NAV3: variants seen among roughly 807,000 people sequenced by gnomAD.
The protein encoded by NAV3 is neuron navigator 3.
In NAV3, 87 loss-of-function variants were observed where a neutral mutation model predicts 244.7. That is an observed-to-expected ratio of 0.36 (90% CI 0.30 to 0.42). The LOEUF is 0.42. Among genes scored for constraint, NAV3 ranks in the 20% least tolerant of loss-of-function variants. The probability of loss-of-function intolerance (pLI) is 1.00; values close to 1 mark genes in which losing one functional copy is unlikely to be tolerated. For synonymous variants in NAV3, 1,126 were observed against 1,042.2 expected (o/e 1.08, Z -1.55); for missense variants, 2,663 against 2,893.3 (o/e 0.92, Z 1.83).
chr12:78,144,930 A>G lies in NAV3; in HGVS notation c.4684-1439A>G, dbSNP rs1441333289. Reference sequence around the variant, plus strand: ...CCTGTCTCAAAAAAAAAAAAAAAAAAAAAAAAAAAAAAAAAAAGAAAGAAA... The same window carrying G: ...CCTGTCTCAAAAAAAAAAAAAAAAAGAAAAAAAAAAAAAAAAAGAAAGAAA... On this transcript the variant is annotated intron_variant, in intron 20 of 39. Coordinates refer to ENST00000397909, the MANE Select transcript of NAV3 (RefSeq NM_001024383.2). 2.1e-3 allele frequency: 323 copies of G among 152,112 alleles called. 4 individuals are homozygous for G. In the Middle Eastern group the frequency reaches 0.026, roughly 12 times the overall value. 9.4% of individuals were successfully genotyped at this position (152,112 alleles called of 1,614,324 possible).
At chr12:77,656,977 A>G (rs1420160339) in intron 2 of NAV3, among the ~76,000 whole-genome samples, 3 of 152,206 alleles carry the variant, frequency 2.0e-5, no homozygotes, top group Non-Finnish European at 2.9e-5. Flanking sequence ...AGGGAAATTT[A>G]TAGCACTAAA....
intron 9 of NAV3, among the ~76,000 whole-genome samples, chr12:78,029,193 A>T (rs949182055): frequency 6.6e-6 from 1 of 152,112 alleles, no homozygotes; most frequent in Non-Finnish European, 1.5e-5. Context: ...AAAAAAAAAA[A>T]AAATACTTTC....
intron 9 of NAV3, among the ~76,000 whole-genome samples, chr12:78,048,716 C>T (rs1593387185): frequency 6.6e-6 from 1 of 152,334 alleles, no homozygotes; most frequent in East Asian, 1.9e-4. Flanking sequence ...CTTGAGGAGG[C>T]TGTCTGTCCC....
intron 1 of NAV3, among the ~76,000 whole-genome samples, chr12:77,904,102 C>G (rs1488340874): frequency 6.6e-6 from 1 of 152,144 alleles, no homozygotes; most frequent in Non-Finnish European, 1.5e-5. Flanking sequence ...CCTCAGGGAT[C>G]TAGAACTAGA....
intron 2 of NAV3, among the ~76,000 whole-genome samples, chr12:77,687,239 A>G (rs992087862): frequency 2.0e-5 from 3 of 152,154 alleles, no homozygotes; most frequent in African/African-American, 7.2e-5. Context: ...AACCATTTAT[A>G]AAACAGAAAG....
chr12:77,986,921 G>A (rs1037542884), intron 5 of NAV3, among the ~76,000 whole-genome samples: 1 of 152,106 alleles, frequency 6.6e-6, no homozygotes, highest in African/African-American at 2.4e-5. Flanking sequence ...GGATGTGGGA[G>A]TGGCTAATTA....
At chr12:77,668,120 G>A (rs1046453195) in intron 2 of NAV3, among the ~76,000 whole-genome samples, 1 of 152,110 alleles carries the variant, frequency 6.6e-6, no homozygotes, top group Non-Finnish European at 1.5e-5. Context: ...GCATCCCATG[G>A]GACAAAAGAA....
intron 9 of NAV3, chr12:78,036,828 A>C (rs1363538334): frequency 4.6e-6 from 3 of 647,228 alleles, no homozygotes; most frequent in Non-Finnish European, 8.4e-6. Context: ...AGACAATATG[A>C]AGTCCAATTG....
intron 3 of NAV3, among the ~76,000 whole-genome samples, chr12:77,963,253 A>G (rs1340638980): frequency 2.0e-5 from 3 of 152,178 alleles, no homozygotes; most frequent in Non-Finnish European, 4.4e-5. Flanking sequence ...TATTAAAAAC[A>G]GGAATGATAA....
At chr12:77,917,469 G>A (rs1379807016) in intron 1 of NAV3, among the ~76,000 whole-genome samples, 1 of 151,964 alleles carries the variant, frequency 6.6e-6, no homozygotes, top group African/African-American at 2.4e-5. Flanking sequence ...CATCAGTTTT[G>A]TTCAATTATT....
intron 34 of NAV3, among the ~76,000 whole-genome samples, chr12:78,196,539 G>GCCTA (rs1261419430): frequency 2.0e-5 from 3 of 151,880 alleles, no homozygotes; most frequent in Non-Finnish European, 4.4e-5. Context: ...TATGTTCCTG[G>GCCTA]CCTACCCATC....
At chr12:77,839,350 C>T (rs534500754) in intron 1 of NAV3, among the ~76,000 whole-genome samples, 2 of 152,336 alleles carry the variant, frequency 1.3e-5, no homozygotes, top group South Asian at 4.1e-4. Context: ...TTTCCTATTT[C>T]ACAGAGACAT....
chr12:77,928,252 G>A (rs940367026), intron 1 of NAV3, among the ~76,000 whole-genome samples: 7 of 149,976 alleles, frequency 4.7e-5, no homozygotes, highest in African/African-American at 1.7e-4. Context: ...AAGAGAGAGA[G>A]GGAAGGAAAA....
At chr12:77,726,917 T>A (rs746157323) in intron 2 of NAV3, among the ~76,000 whole-genome samples, 1 of 151,884 alleles carries the variant, frequency 6.6e-6, no homozygotes, top group Non-Finnish European at 1.5e-5. Context: ...AGACTTCGTA[T>A]GCCAAGGTAA....
chr12:77,694,009 T>G (rs1223551581), intron 2 of NAV3, among the ~76,000 whole-genome samples: 1 of 152,004 alleles, frequency 6.6e-6, no homozygotes, highest in Non-Finnish European at 1.5e-5. Flanking sequence ...TTCCTGGGGG[T>G]TTTGCTACAG....
chr12:78,144,647 A>G (rs940843930), intron 20 of NAV3, among the ~76,000 whole-genome samples: 2 of 152,038 alleles, frequency 1.3e-5, no homozygotes, highest in Non-Finnish European at 2.9e-5. Context: ...TGCTACTAGT[A>G]TATGTAACAG....
intron 1 of NAV3, among the ~76,000 whole-genome samples, chr12:77,866,646 T>A (rs1003936714): frequency 6.6e-6 from 1 of 152,256 alleles, no homozygotes; most frequent in Non-Finnish European, 1.5e-5. Context: ...TTACAAGAAG[T>A]GTGCCCTTTG....
chr12:77,762,478 C>T (rs1226889007), intron 2 of NAV3, among the ~76,000 whole-genome samples: 1 of 152,048 alleles, frequency 6.6e-6, no homozygotes, highest in Non-Finnish European at 1.5e-5. Flanking sequence ...TGGTGTGCAC[C>T]TGTAGTCCCA....
intron 5 of NAV3, among the ~76,000 whole-genome samples, chr12:77,987,486 C>T (rs1239177071): frequency 6.6e-6 from 1 of 152,146 alleles, no homozygotes; most frequent in African/African-American, 2.4e-5. Context: ...TAGTGTCTTT[C>T]TGTTCCCTCC....
Sources: allele counts gnomAD v4.1 joint callset (sites outside exome capture counted in the v4.1 genomes callset), GRCh38; gene constraint gnomAD v4.1.1; transcripts MANE v1.5; gene names NCBI Gene and HGNC (gene_info 2026-07-23, HGNC 2026-07-21).